STAM: variants seen among roughly 807,000 people sequenced by gnomAD.
The protein encoded by STAM is signal transducing adaptor molecule.
STAM carries 16 observed loss-of-function variants against 63.4 expected under a neutral mutation model. The ratio of observed to expected loss-of-function variants is 0.25; its 90% CI spans 0.17 to 0.38. STAM has a LOEUF of 0.38. Ranked by LOEUF, STAM falls within the 10% of genes least tolerant of loss-of-function variation. The pLI, the probability that STAM is intolerant of heterozygous loss-of-function variation, is 1.00. For synonymous variants in STAM, 238 were observed against 223.9 expected, an observed-to-expected ratio of 1.06 and a Z score of -0.56; for missense variants, 636 against 657.1, an observed-to-expected ratio of 0.97 and a Z score of 0.35.
intron 2 of STAM, among the ~76,000 whole-genome samples, chr10:17,683,546 A>T (rs955938094): frequency 2.6e-5 from 4 of 151,740 alleles, no homozygotes; most frequent in African/African-American, 9.7e-5. Flanking sequence ...TCTGTACTTC[A>T]GTTTGGGTAC....
rs10673746 is a variant in STAM at position 17,666,387 on chromosome 10, A to ATTTTTTT, written c.125+5858_125+5864dup. 9.1e-4 allele frequency among the ~76,000 whole-genome samples: 78 copies of ATTTTTTT among 85,898 alleles called. 1 individual carries two copies. Among genetic ancestry groups the ATTTTTTT allele is most frequent in the African/African-American group, 3.6e-3 (71 of 19,970 alleles). 56.4% of individuals were successfully genotyped at this position (85,898 alleles called of 152,430 possible). ...TAAAAATGTTTTTCCTTGGCTTTGT[A>ATTTTTTT]TTTTTTTTTTTTTTTTTTTTTTTTT... On this transcript the variant is annotated intron_variant, in intron 2 of 13. Transcript: ENST00000377524.
chr10:17,659,060 T>C (rs1325161550), intron 1 of STAM, among the ~76,000 whole-genome samples: 2 of 152,214 alleles, frequency 1.3e-5, no homozygotes, highest in Non-Finnish European at 2.9e-5. Flanking sequence ...TTAAGCAGTT[T>C]GCATGATTCC....
At chr10:17,665,380 CCT>C (rs1834334910) in intron 2 of STAM, among the ~76,000 whole-genome samples, 1 of 151,944 alleles carries the variant, frequency 6.6e-6, no homozygotes, top group Non-Finnish European at 1.5e-5. Flanking sequence ...AATTCCTATC[CCT>C]GTTTCGCTGC....
chr10:17,687,356 T>G (rs1554826199), intron 4 of STAM, among the ~76,000 whole-genome samples: 1 of 152,026 alleles, frequency 6.6e-6, no homozygotes, highest in Non-Finnish European at 1.5e-5. Flanking sequence ...GCGCCTGTAA[T>G]CCTACTCGGG....
intron 2 of STAM, among the ~76,000 whole-genome samples, chr10:17,677,500 C>T (rs1554824784): frequency 6.6e-6 from 1 of 152,044 alleles, no homozygotes; most frequent in African/African-American, 2.4e-5. Flanking sequence ...TTTATGTCGG[C>T]ATGGTATTCA....
intron 2 of STAM, among the ~76,000 whole-genome samples, chr10:17,682,625 T>C (rs1283404906): frequency 6.6e-6 from 1 of 152,238 alleles, no homozygotes; most frequent in Non-Finnish European, 1.5e-5. Flanking sequence ...TGTATGACTT[T>C]AGTCCTTTTA....
intron 2 of STAM, among the ~76,000 whole-genome samples, chr10:17,682,924 A>G (rs991380003): frequency 6.6e-6 from 1 of 152,154 alleles, no homozygotes; most frequent in Non-Finnish European, 1.5e-5. Context: ...TTTTGTGTTC[A>G]TGCACATTTA....
At chr10:17,667,443 C>T (rs1200506067) in intron 2 of STAM, among the ~76,000 whole-genome samples, 1 of 152,002 alleles carries the variant, frequency 6.6e-6, no homozygotes, top group Non-Finnish European at 1.5e-5. Flanking sequence ...TTTTTTAAAA[C>T]GTGATCTTGA....
At chr10:17,714,126 C>G (rs1191448685) in intron 13 of STAM, among the ~76,000 whole-genome samples, 1 of 152,122 alleles carries the variant, frequency 6.6e-6, no homozygotes, top group Admixed American at 6.5e-5. Flanking sequence ...TTAAGTATTG[C>G]CTTATTGGAG....
chr10:17,703,016 AAAAAAAAAAAAG>A (rs1183040020), intron 9 of STAM, among the ~76,000 whole-genome samples: 24 of 139,486 alleles, frequency 1.7e-4, no homozygotes, highest in African/African-American at 4.5e-4. Context: ...CTCAAAAAAA[AAAAAAAAAAAAG>A]AAAAGAAAAG....
Position 17,688,024 on chromosome 10 carries a change from C to A in STAM, c.298-3C>A. The stretch of plus-strand genomic sequence containing the variant: ...CTCTTTTATTTCTTTTTCTATTTTA[C>A]AGGGTCATCCTAAAGTATGTGAAAA... On this transcript the variant is annotated splice_polypyrimidine_tract_variant and splice_region_variant and intron_variant, in intron 4 of 13. Transcript: ENST00000377524. 2 of 1,560,902 alleles carry A rather than the reference C, an allele frequency of 1.3e-6. No homozygotes were observed. Among genetic ancestry groups the A allele is most frequent in the Non-Finnish European group, 8.6e-7 (1 of 1,158,910 alleles).
rs1457398311 is a variant in STAM at position 17,715,892 on chromosome 10, A to G, written c.*1112A>G. The G allele has an allele frequency of 6.6e-6, 1 of 152,632 alleles. No individual in the cohort carries two copies. Among genetic ancestry groups the G allele is most frequent in the African/African-American group, 2.4e-5 (1 of 41,454 alleles). The allele number at this position is 152,632 out of a possible 1,614,324, so 9.5% of individuals were successfully genotyped here. Reference sequence around the variant, plus strand: ...TTAATTCTTCATTAAAATGGAAATAAGTAGATGTTTCAAAGTAATCTACAT... The same window carrying G: ...TTAATTCTTCATTAAAATGGAAATAGGTAGATGTTTCAAAGTAATCTACAT... On this transcript the variant is annotated 3_prime_UTR_variant, in exon 14 of 14. Coordinates refer to ENST00000377524, the MANE Select transcript of STAM (RefSeq NM_003473.4).
chr10:17,712,591 TA>T (rs1554830195), intron 13 of STAM, among the ~76,000 whole-genome samples: 1 of 152,206 alleles, frequency 6.6e-6, no homozygotes, highest in Admixed American at 6.5e-5. Context: ...AGTTTAGAAG[TA>T]GGCAGTATTT....
At chr10:17,690,622 C>T (rs888988266) in intron 5 of STAM, among the ~76,000 whole-genome samples, 1 of 152,124 alleles carries the variant, frequency 6.6e-6, no homozygotes, top group Non-Finnish European at 1.5e-5. Flanking sequence ...CACTTAGTTA[C>T]TTAAGTTATT....
At chr10:17,656,857 C>G (rs11254705) in intron 1 of STAM, among the ~76,000 whole-genome samples, 1 of 152,150 alleles carries the variant, frequency 6.6e-6, no homozygotes, top group East Asian at 1.9e-4. Context: ...AGGAAAGTGC[C>G]CTTGGAAGAA....
rs185394176 is a variant in STAM, at chr10:17,697,970, C to T, written c.823+1101C>T. 9.5e-3 allele frequency among the ~76,000 whole-genome samples: 1,438 copies of T among 151,888 alleles called. 10 individuals are homozygous for T. Among genetic ancestry groups the T allele is most frequent in the Middle Eastern group, 0.027 (8 of 292 alleles). On this transcript the variant is annotated intron_variant, in intron 8 of 13. Transcript: ENST00000377524. ...TTTGTCCTGGTCATCTTTTTATTTC[C>T]AGCAGCTCCTAATAGTGAGTCTTAT...
chr10:17,713,671 T>C (rs1836665109), intron 13 of STAM, among the ~76,000 whole-genome samples: 1 of 152,134 alleles, frequency 6.6e-6, no homozygotes, highest in African/African-American at 2.4e-5. Flanking sequence ...AAAATCTATC[T>C]AGACTCTGAC....
At chr10:17,666,641 C>T (rs1834399075) in intron 2 of STAM, among the ~76,000 whole-genome samples, 1 of 152,114 alleles carries the variant, frequency 6.6e-6, no homozygotes, top group Admixed American at 6.5e-5. Context: ...TTGTGATCTG[C>T]CCGCCTTGGC....
Position 17,684,592 on chromosome 10 carries a change from G to A in STAM, c.126-83G>A, listed in dbSNP as rs1310655434. On this transcript the variant is annotated intron_variant, in intron 2 of 13. Coordinates refer to ENST00000377524, the MANE Select transcript of STAM (RefSeq NM_003473.4). ...CTTTATCATAGTCTCCCTTTTTATC[G>A]TAGTCTTTTGTCTATAACAGTTAAG... The A allele has an allele frequency of 4.2e-5, 42 of 1,011,780 alleles. No individual in the cohort carries two copies. In the Middle Eastern group the frequency reaches 1.5e-3, roughly 37 times the overall value. 62.7% of individuals were successfully genotyped at this position (1,011,780 alleles called of 1,614,324 possible).
Sources: allele counts gnomAD v4.1 joint callset (sites outside exome capture counted in the v4.1 genomes callset), GRCh38; gene constraint gnomAD v4.1.1; transcripts MANE v1.5; gene names NCBI Gene and HGNC (gene_info 2026-07-23, HGNC 2026-07-21).